Variants in ZNF587 observed in about 807,000 individuals in gnomAD.
ZNF587 encodes the protein zinc finger protein zfp6.
Under a neutral mutation model 7.5 loss-of-function variants are expected in ZNF587, and 8 were observed. That is an observed-to-expected ratio of 1.06 (90% confidence interval 0.62 to 1.92). The LOEUF is 1.92. Among genes scored for constraint, ZNF587 ranks in the 40% most tolerant of loss-of-function variants. The pLI, the probability that ZNF587 is intolerant of heterozygous loss-of-function variation, is 0.00. For missense variants in ZNF587, 468 were observed against 692.8 expected, an observed-to-expected ratio of 0.68 and a Z score of 3.64; for synonymous variants, 145 against 237.8, an observed-to-expected ratio of 0.61 and a Z score of 3.59.
At chr19:57,854,372 T>C (rs1247288674) in intron 1 of ZNF587, among the ~76,000 whole-genome samples, 1 of 151,988 alleles carries the variant, frequency 6.6e-6, no homozygotes, top group Non-Finnish European at 1.5e-5. Flanking sequence ...GGATTACCAC[T>C]GCTATTGTAA....
At chr19:57,858,257 G>C (rs2071390100) in intron 2 of ZNF587, 2 of 338,972 alleles carry the variant, frequency 5.9e-6, no homozygotes, top group Non-Finnish European at 1.1e-5. Flanking sequence ...CTCCCGAGTA[G>C]CTGGGATTAC....
Position 57,860,294 on chromosome 19 carries a change from A to T in ZNF587, c.*154A>T. ...CTTAAGCGACTTCGTGTTGAGATGG[A>T]GTCTTGTTCTGTCACCCAGGCTGGA... On this transcript the variant is annotated 3_prime_UTR_variant, in exon 3 of 3. Coordinates refer to ENST00000339656, the MANE Select transcript of ZNF587 (RefSeq NM_032828.4). The T allele has an allele frequency of 1.4e-6, 2 of 1,437,982 alleles. No homozygotes were observed. Among genetic ancestry groups the T allele is most frequent in the South Asian group, 1.3e-5 (1 of 76,500 alleles). 89.1% of individuals were successfully genotyped at this position (1,437,982 alleles called of 1,614,324 possible). A position where few individuals can be genotyped will look rare whatever the true frequency, so the allele number is the denominator to read the frequency against.
chr19:57,860,150 A>T lies in ZNF587; in HGVS notation c.*10A>T. The stretch of plus-strand genomic sequence containing the variant: ...GAGAAAGGCCTTATGAGTGCAGTGA[A>T]TATGGGAAATCGTTTGCTGAAGCAT... On this transcript the variant is annotated 3_prime_UTR_variant, in exon 3 of 3. Transcript: ENST00000339656. The T allele has an allele frequency of 6.2e-7, 1 of 1,614,180 alleles. No individual in the cohort carries two copies. The highest frequency in any genetic ancestry group is 8.5e-7 in the Non-Finnish European group (1 of 1,179,992).
rs1399749840 is a variant in ZNF587 at position 57,861,356 on chromosome 19, A to C, written c.*1216A>C. 1 of 152,178 alleles carries C rather than the reference A, an allele frequency of 6.6e-6. No homozygotes were observed. The highest frequency in any genetic ancestry group is 1.5e-5 in the Non-Finnish European group (1 of 68,046). 9.4% of individuals were successfully genotyped at this position (152,178 alleles called of 1,614,324 possible). A position where few individuals can be genotyped will look rare whatever the true frequency, so the allele number is the denominator to read the frequency against. The stretch of plus-strand genomic sequence containing the variant: ...TTGCATTTTTTTTGTTTTGAGACAA[A>C]GTCTCGCTCTGTCTCCCAGGCTAGA... On this transcript the variant is annotated 3_prime_UTR_variant, in exon 3 of 3. Transcript: ENST00000339656.
intron 1 of ZNF587, chr19:57,855,893 T>A (rs1245209447): frequency 4.9e-6 from 4 of 817,832 alleles, no homozygotes; most frequent in Non-Finnish European, 7.4e-6. Flanking sequence ...TGTCAGGACC[T>A]CAGCATGGAT....
intron 1 of ZNF587, among the ~76,000 whole-genome samples, chr19:57,853,229 G>C (rs779043579): frequency 9.9e-5 from 15 of 152,226 alleles, no homozygotes; most frequent in Non-Finnish European, 1.9e-4. Context: ...TTTGATCTTA[G>C]CAGCTGTAAC....
intron 1 of ZNF587, 137 bp from the exon 2 acceptor site, chr19:57,855,967 A>G (rs540104874): frequency 4.7e-5 from 69 of 1,453,206 alleles, no homozygotes; most frequent in African/African-American, 5.7e-5. Flanking sequence ...TGAAGAGACA[A>G]AGGCACCAGT....
Position 57,856,090 on chromosome 19 carries a change from T to G in ZNF587, c.34-14T>G. 1 of 1,612,820 alleles carries G rather than the reference T, an allele frequency of 6.2e-7. No homozygotes were observed. Among genetic ancestry groups the G allele is most frequent in the Non-Finnish European group, 8.5e-7 (1 of 1,179,544 alleles). ...CAGAGGGGCTGCTTGTGGTTTCATC[T>G]GTCACTATCATAGCAGGGCACTGTG... is the stretch of plus-strand genomic sequence containing the variant. On this transcript the variant is annotated splice_polypyrimidine_tract_variant and intron_variant, in intron 1 of 2. Coordinates refer to ENST00000339656, the MANE Select transcript of ZNF587 (RefSeq NM_032828.4).
At position 57,849,971 on chromosome 19, in the gene ZNF587, C is replaced by T; in HGVS notation, c.-68C>T. On this transcript the variant is annotated 5_prime_UTR_variant, in exon 1 of 3. Coordinates refer to ENST00000339656, the MANE Select transcript of ZNF587 (RefSeq NM_032828.4). Reference sequence around the variant, plus strand: ...GGTGGAGAGGAATCGTCCTCGGTGCCCAGAGGCGGCTCTGCAGCCCCGTGA... The same window carrying T: ...GGTGGAGAGGAATCGTCCTCGGTGCTCAGAGGCGGCTCTGCAGCCCCGTGA... The T allele has an allele frequency of 1.9e-6, 3 of 1,613,646 alleles. No homozygotes were observed. The highest frequency in any genetic ancestry group is 2.5e-6 in the Non-Finnish European group (3 of 1,179,904).
At chr19:57,854,863 A>T (rs2071331344) in intron 1 of ZNF587, among the ~76,000 whole-genome samples, 1 of 151,512 alleles carries the variant, frequency 6.6e-6, no homozygotes, top group Non-Finnish European at 1.5e-5. Flanking sequence ...CAACATGGTG[A>T]AACCCCGTCT....
intron 1 of ZNF587, chr19:57,855,869 A>G (rs1207237442): frequency 4.9e-6 from 3 of 613,178 alleles, no homozygotes; most frequent in East Asian, 3.5e-5. Context: ...CCCAGAAGGG[A>G]GTGGACCTTT....
intron 1 of ZNF587, among the ~76,000 whole-genome samples, chr19:57,854,771 T>C (rs1256340265): frequency 6.6e-6 from 1 of 152,096 alleles, no homozygotes; most frequent in Non-Finnish European, 1.5e-5. Context: ...CTGGGTGTGG[T>C]GGCTCACCCC....
Position 57,857,702 on chromosome 19 carries a change from T to C in ZNF587, c.164-874T>C, listed in dbSNP as rs563185284. On this transcript the variant is annotated intron_variant, in intron 2 of 2. Transcript: ENST00000339656. ...CAAGCTGGAGTGCAATGGTATGATC[T>C]CGGCTCAGTGTAACCTCTGCCTCCT... Among the ~76,000 whole-genome samples, 13 of 152,080 alleles carry C rather than the reference T, an allele frequency of 8.5e-5. No homozygotes were observed. The East Asian group carries it at 2.5e-3, about 29-fold the overall frequency.
At chr19:57,851,301 G>C (rs751955903) in intron 1 of ZNF587, 1 of 152,118 alleles carries the variant, frequency 6.6e-6, no homozygotes, top group Non-Finnish European at 1.5e-5. Context: ...AAGACAGGCT[G>C]GTCCCCAGGC....
At chr19:57,850,690 C>G (rs151089597) in intron 1 of ZNF587, 2 of 397,430 alleles carry the variant, frequency 5.0e-6, no homozygotes, top group Non-Finnish European at 8.9e-6. Context: ...AAAGGCGGGT[C>G]CAGGTGGCCA....
In ZNF587 at chr19:57,861,768, GTTTTCTTT is replaced by G. The variant is rs995903476; in HGVS notation, c.*1633_*1640del. 5.5e-5 allele frequency: 5 copies of G among 90,788 alleles called. No individual in the cohort carries two copies. The highest frequency in any genetic ancestry group is 2.4e-4 in the African/African-American group (5 of 20,890). The allele number at this position is 90,788 out of a possible 1,614,324, so 5.6% of individuals were successfully genotyped here. A position where few individuals can be genotyped will look rare whatever the true frequency, so the allele number is the denominator to read the frequency against. ...GTCACTTTGCTGCAAGGAATATTTG[GTTTTCTTT>G]TTTTTTTTTTTTTCCAGATGGAGTC... is the stretch of plus-strand genomic sequence containing the variant. On this transcript the variant is annotated 3_prime_UTR_variant, in exon 3 of 3. Coordinates refer to ENST00000339656, the MANE Select transcript of ZNF587 (RefSeq NM_032828.4).
chr19:57,858,564 T>C lies in ZNF587; in HGVS notation c.164-12T>C. 1 of 1,604,178 alleles carries C rather than the reference T, an allele frequency of 6.2e-7. No homozygotes were observed. The highest frequency in any genetic ancestry group is 8.5e-7 in the Non-Finnish European group (1 of 1,173,800). On this transcript the variant is annotated splice_polypyrimidine_tract_variant and intron_variant, in intron 2 of 2. Transcript: ENST00000339656. ...GGTACTTTGCACTTGACCAGCATTT[T>C]CTTGCTTTCAGGTTGTTGGTGTGGA...
At chr19:57,853,944 C>G (rs986583427) in intron 1 of ZNF587, 1 of 152,062 alleles carries the variant, frequency 6.6e-6, no homozygotes, top group African/African-American at 2.4e-5. Context: ...TCGGTAGAGA[C>G]AGGGTTTCAC....
chr19:57,857,827 G>A (rs1331944789), intron 2 of ZNF587, among the ~76,000 whole-genome samples: 1 of 151,786 alleles, frequency 6.6e-6, no homozygotes, highest in Non-Finnish European at 1.5e-5. Flanking sequence ...GTAGATACAG[G>A]GTTTCACTAT....
Sources: allele counts gnomAD v4.1 joint callset (sites outside exome capture counted in the v4.1 genomes callset), GRCh38; gene constraint gnomAD v4.1.1; transcripts MANE v1.5; gene names NCBI Gene and HGNC (gene_info 2026-07-23, HGNC 2026-07-21).